Variants in NFKBID observed in about 807,000 individuals in gnomAD.
The protein encoded by NFKBID is NFKB inhibitor delta.
A neutral mutation model predicts 53.4 loss-of-function variants in NFKBID; 26 were observed. The ratio of observed to expected loss-of-function variants is 0.49; its 90% CI spans 0.36 to 0.68. NFKBID has a LOEUF of 0.68. Among genes scored for constraint, NFKBID ranks in the 30% least tolerant of loss-of-function variants. The pLI is 0.00. For synonymous variants in NFKBID, 262 were observed against 259.8 expected, an observed-to-expected ratio of 1.01 and a Z score of -0.08; for missense variants, 493 against 614.1, an observed-to-expected ratio of 0.80 and a Z score of 2.08.
intron 11 of NFKBID, 38 bp from the exon 12 acceptor site, chr19:35,888,650 G>A (rs938486795): frequency 7.8e-6 from 12 of 1,529,554 alleles, no homozygotes; most frequent in Non-Finnish European, 1.1e-5. Context: ...AGTCTGTCAG[G>A]TTGGAAGGAG....
chr19:35,893,694 C>T (rs1327319518), intron 9 of NFKBID, among the ~76,000 whole-genome samples: 1 of 151,962 alleles, frequency 6.6e-6, no homozygotes, highest in Non-Finnish European at 1.5e-5. Context: ...GTGGCGGGTG[C>T]CTATAGTCCC....
intron 2 of NFKBID, 45 bp from the exon 3 acceptor site, chr19:35,898,577 C>T: frequency 6.8e-7 from 1 of 1,466,382 alleles, no homozygotes; most frequent in Non-Finnish European, 9.2e-7. Context: ...CTTTATCTGG[C>T]AGATTCCTCC....
At position 35,896,681 on chromosome 19, in the gene NFKBID, TC is replaced by T; in HGVS notation, c.684+44del. The T allele has an allele frequency of 6.4e-7, 1 of 1,571,740 alleles. No homozygotes were observed. The highest frequency in any genetic ancestry group is 2.3e-5 in the East Asian group (1 of 43,896). The stretch of plus-strand genomic sequence containing the variant: ...GGATCCAGGGGTCCAGGCCCCAGGC[TC>T]CTTCCTCCCCTGAACCCAGGAGAGT... On this transcript the variant is annotated intron_variant, in intron 6 of 11. Coordinates refer to ENST00000641389, the Ensembl canonical transcript of NFKBID. The surrounding 1 kb of genome is among the most constrained non-coding windows in gnomAD (Gnocchi z 5.7).
exon 11 of NFKBID, chr19:35,889,901 C>T (rs1468289931): frequency 6.2e-7 from 1 of 1,608,280 alleles, no homozygotes; most frequent in Non-Finnish European, 8.5e-7. Flanking sequence ...CCCTCAGGGC[C>T]CGGCCCGGGC....
exon 4 of NFKBID, chr19:35,897,762 G>A: frequency 6.2e-7 from 1 of 1,608,364 alleles, no homozygotes; most frequent in South Asian, 1.1e-5. Context: ...GGCTGTCAGT[G>A]TAGGCAGCAT....
upstream of NFKBID, chr19:35,902,130 T>C: frequency 1.4e-6 from 1 of 702,470 alleles, no homozygotes; most frequent in Non-Finnish European, 2.6e-6. Context: ...AGGGAGATTG[T>C]CAGGCATTTC....
Position 35,891,415 on chromosome 19 carries a change from A to G in NFKBID, c.1033-925T>C, listed in dbSNP as rs116996597. On this transcript the variant is annotated intron_variant, in intron 9 of 11. Coordinates refer to ENST00000641389, the Ensembl canonical transcript of NFKBID. ...GATTAAGAGTGATTTGAAAAGACGT[A>G]ACATCATAATATGTGTGCTTATTTG... 5.6e-3 allele frequency among the ~76,000 whole-genome samples: 855 copies of G among 152,340 alleles called. 5 individuals carry two copies. Among genetic ancestry groups the G allele is most frequent in the Non-Finnish European group, 0.01 (694 of 68,034 alleles).
Position 35,890,960 on chromosome 19 carries a change from C to A in NFKBID, c.1033-470G>T, listed in dbSNP as rs1181644808. 2.6e-5 allele frequency among the ~76,000 whole-genome samples: 4 copies of A among 152,068 alleles called. 1 individual carries two copies. The highest frequency in any genetic ancestry group is 4.2e-4 in the South Asian group (2 of 4,800). On this transcript the variant is annotated intron_variant, in intron 9 of 11. Transcript: ENST00000641389. Reference sequence around the variant, plus strand: ...GTATGTCTTGTGCACCGCACAACACCACGTCTCAGGGTGTACCATTCACAC... The same window carrying A: ...GTATGTCTTGTGCACCGCACAACACAACGTCTCAGGGTGTACCATTCACAC...
At chr19:35,900,780 C>G (rs1975519627), upstream of NFKBID, 2 of 425,484 alleles carry the variant, frequency 4.7e-6, no homozygotes, top group Non-Finnish European at 7.9e-6. Flanking sequence ...GAGGGAGAAA[C>G]CGGGGGGCCT....
Position 35,888,621 on chromosome 19 carries a change from A to G in NFKBID, c.1315-9T>C, listed in dbSNP as rs1344592233. 1 of 1,569,560 alleles carries G rather than the reference A, an allele frequency of 6.4e-7. No homozygotes were observed. The highest frequency in any genetic ancestry group is 8.6e-7 in the Non-Finnish European group (1 of 1,157,088). ...TTCAACAGCTGCCGGAGCTGTAGAC[A>G]AGGCAAAGGAGGGAGAGAAGTCTGT... On this transcript the variant is annotated splice_polypyrimidine_tract_variant and intron_variant, in intron 11 of 11. Coordinates refer to ENST00000641389, the Ensembl canonical transcript of NFKBID.
At position 35,896,118 on chromosome 19, in the gene NFKBID, C is replaced by T. The variant is rs764643916; in HGVS notation, c.894G>A (p.Pro298=). 7 of 1,614,000 alleles carry T rather than the reference C, an allele frequency of 4.3e-6. No individual in the cohort carries two copies. The highest frequency in any genetic ancestry group is 2.2e-5 in the East Asian group (1 of 44,890). ...TAAGGGCCAGGATGGCCGTGTGGAG[C>T]GGGGTGAGGCCTGCAGAATGGAGAC... The change falls in exon 9 of 12, where the codon CCG becomes CCA. Residue 298 remains proline (P), a synonymous_variant. Transcript: ENST00000641389. This position sits in a 1 kb window ranked among gnomAD's most constrained non-coding sequence, Gnocchi z 5.7.
intron 10 of NFKBID, 45 bp downstream of exon 10, chr19:35,890,329 C>A (rs753382327): frequency 2.9e-5 from 39 of 1,365,796 alleles, no homozygotes; most frequent in Middle Eastern, 4.1e-4. Context: ...ACTGCCCCCC[C>A]TACCGTACCC....
chr19:35,892,527 G>A (rs1340172830), intron 9 of NFKBID, among the ~76,000 whole-genome samples: 1 of 147,792 alleles, frequency 6.8e-6, no homozygotes, highest in African/African-American at 2.5e-5. Flanking sequence ...CTGGGCGACA[G>A]AGCGAGACTC....
exon 11 of NFKBID, chr19:35,889,967 C>T: frequency 6.2e-7 from 1 of 1,611,728 alleles, no homozygotes; most frequent in Non-Finnish European, 8.5e-7. Context: ...GGGTCCGCCC[C>T]AGCTGCCAAC....
At chr19:35,897,527 A>G (rs1599622271) in intron 4 of NFKBID, 124 bp downstream of exon 4, 5 of 699,880 alleles carry the variant, frequency 7.1e-6, no homozygotes, top group Non-Finnish European at 1.3e-5. Context: ...TACAGGTGTG[A>G]GCCACCACGC....
exon 12 of NFKBID, chr19:35,888,329 G>A (rs1044239131): frequency 5.3e-5 from 29 of 542,186 alleles, no homozygotes; most frequent in Admixed American, 1.3e-4. Context: ...AAGGGGCCTC[G>A]ATTTCACAGA....
upstream of NFKBID, chr19:35,902,175 G>A (rs751268074): frequency 1.7e-4 from 122 of 702,846 alleles, no homozygotes; most frequent in African/African-American, 2.4e-4. Flanking sequence ...CACTTTCCCC[G>A]CAAACCCACT....
chr19:35,893,398 A>G (rs1301875739), intron 9 of NFKBID, among the ~76,000 whole-genome samples: 1 of 152,114 alleles, frequency 6.6e-6, no homozygotes, highest in African/African-American at 2.4e-5. Flanking sequence ...TCTTGTCTCT[A>G]CTCAGTCATG....
intron 10 of NFKBID, 104 bp from the exon 11 acceptor site, chr19:35,890,158 TCACATCCCAGACCTC>T: frequency 7.9e-7 from 1 of 1,264,026 alleles, no homozygotes; most frequent in Non-Finnish European, 1.1e-6. Context: ...ACTTGTCCTT[TCACATCCCAGACCTC>T]CCCCGGCCAC....
Sources: allele counts gnomAD v4.1 joint callset (sites outside exome capture counted in the v4.1 genomes callset), GRCh38; gene constraint gnomAD v4.1.1; non-coding constraint Gnocchi (gnomAD v3.1); transcripts MANE v1.5; gene names NCBI Gene and HGNC (gene_info 2026-07-23, HGNC 2026-07-21).